TPCN2: variants seen among roughly 807,000 people sequenced by gnomAD.
TPCN2 encodes two pore segment channel 2.
In TPCN2, 92 loss-of-function variants were observed where a neutral mutation model predicts 111.4. The observed-to-expected ratio is 0.83, with a 90% CI of 0.70 to 0.98. TPCN2 has a LOEUF of 0.98. Among genes scored for constraint, TPCN2 ranks in the 50% least tolerant of loss-of-function variants. The probability of loss-of-function intolerance (pLI) is 0.00; values close to 1 mark genes in which losing one functional copy is unlikely to be tolerated. For synonymous variants in TPCN2, 405 were observed against 414.5 expected (o/e 0.98, Z 0.28); for missense variants, 995 against 980.1 (o/e 1.02, Z -0.20).
At chr11:69,052,830 G>T (rs1265186070) in intron 1 of TPCN2, among the ~76,000 whole-genome samples, 2 of 152,206 alleles carry the variant, frequency 1.3e-5, no homozygotes, top group South Asian at 2.1e-4. Context: ...CATTGTCTTG[G>T]TGCAGCTGTG....
chr11:69,074,908 G>C (rs987048331), intron 13 of TPCN2, among the ~76,000 whole-genome samples: 1 of 152,162 alleles, frequency 6.6e-6, no homozygotes, highest in African/African-American at 2.4e-5. Context: ...GTTGAGTCCT[G>C]GTTGTCCAGA....
intron 22 of TPCN2, 55 bp from the exon 23 acceptor site, chr11:69,086,468 G>C: frequency 6.8e-7 from 1 of 1,468,080 alleles, no homozygotes; most frequent in Non-Finnish European, 9.6e-7. Flanking sequence ...TGTTTGTATC[G>C]AGTGCTCTTG....
At chr11:69,062,178 C>T (rs1469313153) in intron 5 of TPCN2, among the ~76,000 whole-genome samples, 2 of 152,090 alleles carry the variant, frequency 1.3e-5, no homozygotes, top group African/African-American at 4.8e-5. Context: ...AACCAGATCT[C>T]TCGTGAACCC....
At chr11:69,061,320 C>G (rs1003513862) in intron 5 of TPCN2, among the ~76,000 whole-genome samples, 1 of 151,428 alleles carries the variant, frequency 6.6e-6, no homozygotes, top group Non-Finnish European at 1.5e-5. Flanking sequence ...GACTGACTGG[C>G]TGGGCCTGTT....
Position 69,072,998 on chromosome 11 carries a change from A to C in TPCN2, c.1227A>C (p.Lys409Asn). ...LFNELDRSVV[K>N]EHPPRPEYQS... ...ACGAGCTTGACAGAAGTGTGGTTAA[A>C]GAGGTAACTGGGGCCACAGCCGCCC... The change falls in exon 13 of 25, where the codon AAA becomes AAC. Residue 409 changes from lysine (K) to asparagine (N), a missense_variant. By Grantham distance (94) the Lys-to-Asn change is moderately conservative. Transcript: ENST00000294309. 2 of 1,613,494 alleles carry C rather than the reference A, an allele frequency of 1.2e-6. No homozygotes were observed. Among genetic ancestry groups the C allele is most frequent in the Non-Finnish European group, 1.7e-6 (2 of 1,179,628 alleles).
chr11:69,058,579 C>T (rs1854878656), intron 5 of TPCN2, among the ~76,000 whole-genome samples: 1 of 152,258 alleles, frequency 6.6e-6, no homozygotes, highest in South Asian at 2.1e-4. Context: ...GTGAGTGCAT[C>T]TCCTGTCCCC....
In TPCN2 at chr11:69,089,903, T is replaced by A. The variant is rs1856388543; in HGVS notation, c.*1950T>A. On this transcript the variant is annotated 3_prime_UTR_variant, in exon 25 of 25. Coordinates refer to ENST00000294309, the MANE Select transcript of TPCN2 (RefSeq NM_139075.4). ...TTGTTTGGCCCGTGGGAGCCCCTTC[T>A]TCTGCCTTTTGTGTTTTTTTTGTTA... 1 of 133,094 alleles carries A rather than the reference T, an allele frequency of 7.5e-6. No homozygotes were observed. The highest frequency in any genetic ancestry group is 1.7e-5 in the Non-Finnish European group (1 of 57,960). The allele number at this position is 133,094 out of a possible 1,614,324, so 8.2% of individuals were successfully genotyped here. A position where few individuals can be genotyped will look rare whatever the true frequency, so the allele number is the denominator to read the frequency against.
At chr11:69,064,271 T>C (rs1855159668) in intron 7 of TPCN2, among the ~76,000 whole-genome samples, 1 of 125,626 alleles carries the variant, frequency 8.0e-6, no homozygotes, top group African/African-American at 2.9e-5. Flanking sequence ...CTATCCTCCT[T>C]CCCACTTCCC....
chr11:69,055,011 C>T (rs866507807), intron 3 of TPCN2, among the ~76,000 whole-genome samples, 164 bp from the exon 4 acceptor site: 26 of 152,356 alleles, frequency 1.7e-4, no homozygotes, highest in Middle Eastern at 3.4e-3. Flanking sequence ...TGTGGTCAGC[C>T]CTCGGCAATG....
intron 18 of TPCN2, among the ~76,000 whole-genome samples, chr11:69,083,736 T>G (rs1856145700): frequency 1.3e-5 from 2 of 151,382 alleles, no homozygotes; most frequent in Admixed American, 6.6e-5. Context: ...GGTGCGAGGG[T>G]GTGTATGGGT....
Position 69,088,315 on chromosome 11 carries a change from AGGCCTGACCAG to A in TPCN2, c.*369_*379del. 4.0e-6 allele frequency: 1 copy of A among 251,474 alleles called. No homozygotes were observed. The highest frequency in any genetic ancestry group is 6.1e-5 in the South Asian group (1 of 16,496). 15.6% of individuals were successfully genotyped at this position (251,474 alleles called of 1,614,324 possible). A position where few individuals can be genotyped will look rare whatever the true frequency, so the allele number is the denominator to read the frequency against. ...GCTGCCGGCAGCCCTTGGGGACCACAGGCCTGACCAGGGCCTGCACAGGTTAACCGTCAGAC... is the reference window on the plus strand; with the variant it reads ...GCTGCCGGCAGCCCTTGGGGACCACAGGCCTGCACAGGTTAACCGTCAGAC... On this transcript the variant is annotated 3_prime_UTR_variant, in exon 25 of 25. Coordinates refer to ENST00000294309, the MANE Select transcript of TPCN2 (RefSeq NM_139075.4).
intron 8 of TPCN2, among the ~76,000 whole-genome samples, chr11:69,069,944 C>G (rs974192194): frequency 2.6e-5 from 4 of 151,882 alleles, no homozygotes; most frequent in South Asian, 2.1e-4. Context: ...GGCAAGAGAT[C>G]GAATTTGGAC....
intron 13 of TPCN2, 37 bp downstream of exon 13, chr11:69,073,038 G>T: frequency 6.7e-7 from 1 of 1,493,510 alleles, no homozygotes; most frequent in Non-Finnish European, 9.3e-7. Flanking sequence ...TGGATAGTGG[G>T]GGCCTTCCAG....
rs112524756 is a variant in TPCN2 at position 69,085,205 on chromosome 11, G to T, written c.1762-5G>T. The T allele has an allele frequency of 3.7e-5, 59 of 1,613,932 alleles. No homozygotes were observed. The African/African-American group carries it at 6.4e-4, about 17-fold the overall frequency. ...CTGATCAGTCCCCGGCTCCTGGCCCGCCAGGTGGTCTACTACGTATTTGCC... is the reference window on the plus strand; with the variant it reads ...CTGATCAGTCCCCGGCTCCTGGCCCTCCAGGTGGTCTACTACGTATTTGCC... On this transcript the variant is annotated splice_region_variant and splice_polypyrimidine_tract_variant and intron_variant, in intron 19 of 24. Transcript: ENST00000294309.
chr11:69,086,637 T>C, intron 23 of TPCN2, 33 bp downstream of exon 23: 2 of 1,602,534 alleles, frequency 1.2e-6, no homozygotes. Flanking sequence ...CTGTTCTCCA[T>C]GGTCGTTTGT....
intron 18 of TPCN2, 63 bp downstream of exon 18, chr11:69,081,562 G>C: frequency 1.5e-6 from 2 of 1,306,038 alleles, no homozygotes; most frequent in Non-Finnish European, 2.1e-6. Flanking sequence ...CGTTGCTCCA[G>C]GGTGGGTGAG....
chr11:69,054,712 C>A lies in TPCN2; in HGVS notation c.175-9C>A. 2 of 1,613,950 alleles carry A rather than the reference C, an allele frequency of 1.2e-6. No individual in the cohort carries two copies. Among genetic ancestry groups the A allele is most frequent in the South Asian group, 2.2e-5 (2 of 91,064 alleles). Reference sequence around the variant, plus strand: ...CCATGTCATGCCTCATGTGACTTTTCGCTTGTAGTACCGCTCCATCAACCA... The same window carrying A: ...CCATGTCATGCCTCATGTGACTTTTAGCTTGTAGTACCGCTCCATCAACCA... On this transcript the variant is annotated splice_polypyrimidine_tract_variant and intron_variant, in intron 2 of 24. Transcript: ENST00000294309.
intron 24 of TPCN2, 62 bp from the exon 25 acceptor site, chr11:69,087,813 T>C: frequency 5.0e-6 from 7 of 1,391,750 alleles, no homozygotes; most frequent in Non-Finnish European, 7.0e-6. Context: ...CTTGTTCTTG[T>C]GGGCAGGCCA....
chr11:69,056,746 T>G lies in TPCN2; in HGVS notation c.430-832T>G, dbSNP rs188912349. On this transcript the variant is annotated intron_variant, in intron 4 of 24. Coordinates refer to ENST00000294309, the MANE Select transcript of TPCN2 (RefSeq NM_139075.4). ...ACGGGTTTCACCATGTTAGCCAGTA[T>G]GGTCTCGATCTCCTGACCTTGTGAT... Among the ~76,000 whole-genome samples the G allele has an allele frequency of 8.2e-3, 1,244 of 152,250 alleles. 24 individuals carry two copies. The highest frequency in any genetic ancestry group is 0.029 in the African/African-American group (1,197 of 41,536).
Sources: gnomAD v4.1 joint callset for allele counts (sites outside exome capture counted in the v4.1 genomes callset) on GRCh38, gnomAD v4.1.1 for gene constraint, MANE v1.5 for transcripts, NCBI Gene and HGNC (gene_info 2026-07-23, HGNC 2026-07-21) for gene names.